Variants in ITFG1 observed in about 807,000 individuals in gnomAD.
ITFG1 encodes the protein integrin alpha FG-GAP repeat containing 1.
Under a neutral mutation model 81.8 loss-of-function variants are expected in ITFG1, and 34 were observed. That is an observed-to-expected ratio of 0.42 (90% CI 0.32 to 0.55). The LOEUF (loss-of-function observed/expected upper bound fraction) is 0.55, where lower values mean the gene tolerates loss of function less well. Ranked by LOEUF, ITFG1 falls within the 20% of genes least tolerant of loss-of-function variation. ITFG1 has a pLI of 0.17. For missense variants in ITFG1, 672 were observed against 755.4 expected, an observed-to-expected ratio of 0.89 and a Z score of 1.29; for synonymous variants, 285 against 270.6, an observed-to-expected ratio of 1.05 and a Z score of -0.52.
chr16:47,207,990 C>T (rs1233859605), intron 14 of ITFG1, among the ~76,000 whole-genome samples: 1 of 152,110 alleles, frequency 6.6e-6, no homozygotes, highest in Admixed American at 6.6e-5. Context: ...TAATTATTGT[C>T]ACCATTTTAC....
At chr16:47,446,447 T>C (rs534684681) in intron 5 of ITFG1, among the ~76,000 whole-genome samples, 4 of 152,332 alleles carry the variant, frequency 2.6e-5, no homozygotes, top group Non-Finnish European at 5.9e-5. Flanking sequence ...TCAGTCATGT[T>C]TTATTATACT....
At chr16:47,185,843 C>G (rs1358594541) in intron 14 of ITFG1, among the ~76,000 whole-genome samples, 2 of 151,954 alleles carry the variant, frequency 1.3e-5, no homozygotes, top group African/African-American at 4.8e-5. Context: ...AAAAGATCAA[C>G]AAAACTGATA....
intron 6 of ITFG1, among the ~76,000 whole-genome samples, chr16:47,407,016 T>C (rs1968737478): frequency 6.6e-6 from 1 of 152,138 alleles, no homozygotes; most frequent in Non-Finnish European, 1.5e-5. Context: ...GAAAATAGAA[T>C]GGAAGGTCGA....
chr16:47,412,692 T>A, intron 6 of ITFG1, among the ~76,000 whole-genome samples: 2 of 35,908 alleles, frequency 5.6e-5, no homozygotes. Flanking sequence ...CAAGACTCTG[T>A]CTCAAAAAAA....
In ITFG1 at chr16:47,365,856, G is replaced by C. The variant is rs544889375; in HGVS notation, c.734C>G (p.Ser245Cys). Residue 245 changes from serine to cysteine, a missense_variant, in exon 8 of 18, where the codon TCT becomes TGT. Coordinates refer to ENST00000320640, the MANE Select transcript of ITFG1 (RefSeq NM_030790.5). ...EIWENLDGNF[S>C]VSTILEKPQN... ...AGGTTTTTCCAATATAGTACTGACAGAGAAGTTTCCATCCTGTTAAATGAA... is the reference window on the plus strand; with the variant it reads ...AGGTTTTTCCAATATAGTACTGACACAGAAGTTTCCATCCTGTTAAATGAA... 2.4e-5 allele frequency: 38 copies of C among 1,585,998 alleles called. No individual in the cohort carries two copies. The highest frequency in any genetic ancestry group is 3.1e-5 in the Non-Finnish European group (36 of 1,155,724).
chr16:47,325,757 T>C (rs1567460776), intron 8 of ITFG1, among the ~76,000 whole-genome samples: 1 of 152,044 alleles, frequency 6.6e-6, no homozygotes, highest in Non-Finnish European at 1.5e-5. Context: ...ACATACACCC[T>C]CCCAAGACTA....
intron 12 of ITFG1, among the ~76,000 whole-genome samples, chr16:47,249,826 C>T (rs1406371561): frequency 6.6e-6 from 1 of 152,144 alleles, no homozygotes; most frequent in Non-Finnish European, 1.5e-5. Context: ...TTTATATTAG[C>T]TATTTCACAC....
At chr16:47,198,378 A>G (rs2151519754) in intron 14 of ITFG1, among the ~76,000 whole-genome samples, 1 of 152,326 alleles carries the variant, frequency 6.6e-6, no homozygotes, top group South Asian at 2.1e-4. Flanking sequence ...ATGATGTCAT[A>G]GTGTAAGGCA....
intron 8 of ITFG1, among the ~76,000 whole-genome samples, chr16:47,324,414 A>T (rs1390375218): frequency 6.6e-6 from 1 of 152,166 alleles, no homozygotes; most frequent in East Asian, 1.9e-4. Context: ...AAGGCTAGGA[A>T]GAAACTGCAT....
At chr16:47,437,025 T>C (rs1425300588) in intron 5 of ITFG1, among the ~76,000 whole-genome samples, 1 of 152,244 alleles carries the variant, frequency 6.6e-6, no homozygotes, top group African/African-American at 2.4e-5. Context: ...TATTGTATCT[T>C]TGCCAATAAT....
At chr16:47,376,125 T>C (rs1968321181) in intron 6 of ITFG1, among the ~76,000 whole-genome samples, 185 bp from the exon 7 acceptor site, 1 of 152,058 alleles carries the variant, frequency 6.6e-6, no homozygotes, top group African/African-American at 2.4e-5. Context: ...TTAAAGAAAA[T>C]GTATTTAACG....
intron 13 of ITFG1, among the ~76,000 whole-genome samples, chr16:47,219,838 C>G (rs1280848154): frequency 6.6e-6 from 1 of 152,082 alleles, no homozygotes; most frequent in East Asian, 1.9e-4. Flanking sequence ...CTTCCAATGG[C>G]TATGAGAAAA....
intron 8 of ITFG1, among the ~76,000 whole-genome samples, chr16:47,319,451 G>A (rs1259695114): frequency 2.0e-5 from 3 of 152,096 alleles, no homozygotes; most frequent in Non-Finnish European, 4.4e-5. Flanking sequence ...AGTAAGAAAT[G>A]GTATTTTAAG....
chr16:47,322,680 ACT>A (rs1393601901), intron 8 of ITFG1, among the ~76,000 whole-genome samples: 2 of 152,096 alleles, frequency 1.3e-5, no homozygotes, highest in Non-Finnish European at 2.9e-5. Flanking sequence ...ATACAGTGAG[ACT>A]CTGTCTCACA....
At chr16:47,278,838 A>G (rs918288199) in intron 10 of ITFG1, among the ~76,000 whole-genome samples, 10 of 152,202 alleles carry the variant, frequency 6.6e-5, no homozygotes, top group African/African-American at 2.4e-4. Flanking sequence ...TTACTCACTG[A>G]CAGCACAGCT....
At chr16:47,245,232 C>T (rs546501654) in intron 12 of ITFG1, among the ~76,000 whole-genome samples, 1 of 152,108 alleles carries the variant, frequency 6.6e-6, no homozygotes, top group East Asian at 1.9e-4. Context: ...GCCTGTAATA[C>T]CAGCTACTAG....
rs1966453054 is a variant in ITFG1, at chr16:47,281,715, TAA to T, written c.1071-21022_1071-21021del. On this transcript the variant is annotated intron_variant, in intron 10 of 17. Transcript: ENST00000320640. The stretch of plus-strand genomic sequence containing the variant: ...CCTTTAAGCATCTGAACATCTGTAG[TAA>T]AATCTTCTGTTTCATTTTTGTTATT... Among the ~76,000 whole-genome samples the T allele has an allele frequency of 5.3e-5, 8 of 152,302 alleles. No homozygotes were observed. The South Asian group carries it at 1.7e-3, about 32-fold the overall frequency.
intron 8 of ITFG1, among the ~76,000 whole-genome samples, chr16:47,335,811 A>G (rs1451863956): frequency 1.3e-5 from 2 of 152,236 alleles, no homozygotes; most frequent in Admixed American, 6.5e-5. Flanking sequence ...TTGGAAACAT[A>G]AAATGTTAAG....
At chr16:47,268,690 C>T (rs1966305185) in intron 10 of ITFG1, among the ~76,000 whole-genome samples, 1 of 152,186 alleles carries the variant, frequency 6.6e-6, no homozygotes, top group Non-Finnish European at 1.5e-5. Context: ...TGAACCATGT[C>T]TCTGCTCTGT....
Sources: allele counts gnomAD v4.1 joint callset (sites outside exome capture counted in the v4.1 genomes callset), GRCh38; gene constraint gnomAD v4.1.1; transcripts MANE v1.5; gene names NCBI Gene and HGNC (gene_info 2026-07-23, HGNC 2026-07-21).